Variants in SLC6A11 observed in about 807,000 individuals in gnomAD.
SLC6A11 encodes sodium- and chloride-dependent GABA transporter 3.
A neutral mutation model predicts 74.8 loss-of-function variants in SLC6A11; 25 were observed. The ratio of observed to expected loss-of-function variants is 0.33; its 90% CI spans 0.24 to 0.47. SLC6A11 has a LOEUF of 0.47. SLC6A11 is among the 20% of genes least tolerant of loss of function. The pLI is 1.00. For synonymous variants in SLC6A11, 330 were observed against 330.2 expected (o/e 1.00, Z 0.01); for missense variants, 574 against 837.0 (o/e 0.69, Z 3.88).
Position 10,929,317 on chromosome 3 carries a change from T to G in SLC6A11, c.1349T>G (p.Leu450Arg). ...GCCTTGTCTGTTATCTCCTATTTTC[T>G]GGGCCTCGTGATGTTAACAGAGGTG... ...ILALSVISYFLGLVMLTEGGM... is the reference protein window; with the variant it reads ...ILALSVISYFRGLVMLTEGGM... The change falls in exon 10 of 14, where the codon CTG (leucine) becomes CGG (arginine). Residue 450 changes from leucine to arginine, a missense_variant. Physicochemically the swap from Leu to Arg is moderately radical, Grantham distance 102. This residue lies in a region of SLC6A11 where 257 missense variants were observed against 341.5 expected (regional missense o/e 0.75). Coordinates refer to ENST00000254488, the MANE Select transcript of SLC6A11 (RefSeq NM_014229.3). 6.2e-7 allele frequency: 1 copy of G among 1,614,104 alleles called. No homozygotes were observed. Among genetic ancestry groups the G allele is most frequent in the Non-Finnish European group, 8.5e-7 (1 of 1,179,980 alleles).
chr3:10,937,495 A>C (rs1475016183), intron 13 of SLC6A11, among the ~76,000 whole-genome samples: 1 of 152,200 alleles, frequency 6.6e-6, no homozygotes, highest in Non-Finnish European at 1.5e-5. Context: ...AGACTTTGCA[A>C]CCTTCCTCGG....
At position 10,934,146 on chromosome 3, in the gene SLC6A11, A is replaced by G. The variant is rs1695727064; in HGVS notation, c.1555A>G (p.Met519Val). 6.2e-7 allele frequency: 1 copy of G among 1,613,170 alleles called. No homozygotes were observed. The highest frequency in any genetic ancestry group is 1.7e-5 in the Admixed American group (1 of 60,012). ...PSLIKWCWMI[M>V]TPGICAGIFI... The stretch of plus-strand genomic sequence containing the variant: ...GCTCATTAAGTGGTGCTGGATGATC[A>G]TGACCCCTGGGATCTGCGCGGTAAG... Residue 519 changes from methionine (M) to valine (V), a missense_variant, in exon 12 of 14, where the codon ATG becomes GTG. Coordinates refer to ENST00000254488, the MANE Select transcript of SLC6A11 (RefSeq NM_014229.3).
At chr3:10,929,390 A>G in intron 10 of SLC6A11, 51 bp downstream of exon 10, 2 of 1,595,638 alleles carry the variant, frequency 1.3e-6, no homozygotes, top group Non-Finnish European at 1.7e-6. Flanking sequence ...TGTGACGTCA[A>G]CTCCCAGCTC....
At chr3:10,888,046 A>G (rs1695065508) in intron 6 of SLC6A11, among the ~76,000 whole-genome samples, 1 of 152,258 alleles carries the variant, frequency 6.6e-6, no homozygotes, top group South Asian at 2.1e-4. Context: ...CTGTAATTTC[A>G]GAAGATTACT....
intron 5 of SLC6A11, among the ~76,000 whole-genome samples, chr3:10,864,488 T>C (rs1340445337): frequency 6.6e-6 from 1 of 151,764 alleles, no homozygotes; most frequent in Non-Finnish European, 1.5e-5. Context: ...ATCCGAAAGG[T>C]TGGAGATATT....
intron 1 of SLC6A11, among the ~76,000 whole-genome samples, chr3:10,817,447 C>A (rs527591031): frequency 1.3e-5 from 2 of 152,324 alleles, no homozygotes; most frequent in East Asian, 1.9e-4. Flanking sequence ...GCCTTCAGGA[C>A]CCCCTCCTGT....
Position 10,940,295 on chromosome 3 carries a change from C to G in SLC6A11, c.*1893C>G, listed in dbSNP as rs1015298138. 6.6e-6 allele frequency: 1 copy of G among 152,012 alleles called. No homozygotes were observed. Among genetic ancestry groups the G allele is most frequent in the African/African-American group, 2.4e-5 (1 of 41,352 alleles). 9.4% of individuals were successfully genotyped at this position (152,012 alleles called of 1,614,324 possible). A position where few individuals can be genotyped will look rare whatever the true frequency, so the allele number is the denominator to read the frequency against. On this transcript the variant is annotated 3_prime_UTR_variant, in exon 14 of 14. Transcript: ENST00000254488. ...GTGTTTATCCTCGGCTGCTGTCTTC[C>G]CAGCAGGCCCCAGGCAAGGAGGCTT... is the stretch of plus-strand genomic sequence containing the variant.
rs564695910 is a variant in SLC6A11 at position 10,852,034 on chromosome 3, A to G, written c.756+7688A>G. ...TTAATGGCTCAATGAGGCATAAAGC[A>G]GGAGTAGAGGGGGACTGGGGAAATA... On this transcript the variant is annotated intron_variant, in intron 5 of 13. Transcript: ENST00000254488. 6.4e-4 allele frequency among the ~76,000 whole-genome samples: 98 copies of G among 152,372 alleles called. No homozygotes were observed. The South Asian group carries it at 0.01, about 16-fold the overall frequency.
At chr3:10,869,654 A>C (rs1477298376) in intron 5 of SLC6A11, among the ~76,000 whole-genome samples, 1 of 152,276 alleles carries the variant, frequency 6.6e-6, no homozygotes, top group East Asian at 1.9e-4. Flanking sequence ...CGGCAAGCCC[A>C]GGCAGAGCCA....
chr3:10,890,503 A>G (rs1453702328), intron 6 of SLC6A11, among the ~76,000 whole-genome samples: 1 of 152,242 alleles, frequency 6.6e-6, no homozygotes, highest in East Asian at 1.9e-4. Context: ...TGCAGTGCAG[A>G]GATAGGCGGT....
chr3:10,885,914 C>A (rs1461472554), intron 6 of SLC6A11, among the ~76,000 whole-genome samples: 1 of 152,190 alleles, frequency 6.6e-6, no homozygotes, highest in African/African-American at 2.4e-5. Flanking sequence ...TCCACATGGA[C>A]TTCTGGGTCC....
chr3:10,849,794 CAAAAAAAAAAAAA>C (rs56099322), intron 5 of SLC6A11, among the ~76,000 whole-genome samples: 66 of 87,280 alleles, frequency 7.6e-4, no homozygotes, highest in Non-Finnish European at 1.2e-3. Flanking sequence ...TTGTTGAAGC[CAAAAAAAAAAAAA>C]AAAAAAAAAA....
intron 6 of SLC6A11, among the ~76,000 whole-genome samples, chr3:10,876,453 T>C (rs1694907897): frequency 1.3e-5 from 2 of 152,186 alleles, no homozygotes; most frequent in African/African-American, 4.8e-5. Context: ...TCTGCCTTGA[T>C]CCAAGACAGA....
intron 5 of SLC6A11, among the ~76,000 whole-genome samples, chr3:10,866,455 C>A (rs1694763780): frequency 6.6e-6 from 1 of 152,216 alleles, no homozygotes; most frequent in Non-Finnish European, 1.5e-5. Context: ...ACCTGCTGGG[C>A]TGTTCCCAGC....
chr3:10,939,555 A>G lies in SLC6A11; in HGVS notation c.*1153A>G, dbSNP rs1437015138. The G allele has an allele frequency of 6.6e-6, 1 of 152,092 alleles. No homozygotes were observed. Among genetic ancestry groups the G allele is most frequent in the Admixed American group, 6.6e-5 (1 of 15,254 alleles). 9.4% of individuals were successfully genotyped at this position (152,092 alleles called of 1,614,324 possible). ...CTAAGGCCCTTCTCTGTCCCAGGCC[A>G]CCTCTTCTCCCTCCTCCTGTCCCCT... On this transcript the variant is annotated 3_prime_UTR_variant, in exon 14 of 14. Transcript: ENST00000254488.
intron 8 of SLC6A11, among the ~76,000 whole-genome samples, chr3:10,924,556 AAG>A (rs1239716832): frequency 6.6e-6 from 1 of 152,168 alleles, no homozygotes; most frequent in African/African-American, 2.4e-5. Flanking sequence ...ATGGAAAGGC[AAG>A]CCACAGACTG....
chr3:10,933,564 C>T (rs1177416168), intron 11 of SLC6A11, among the ~76,000 whole-genome samples: 3 of 152,306 alleles, frequency 2.0e-5, no homozygotes, highest in East Asian at 3.9e-4. Flanking sequence ...GAAGTGTAAT[C>T]AAGCAGCAGC....
chr3:10,887,177 A>G lies in SLC6A11; in HGVS notation c.891+12082A>G, dbSNP rs112734391. Among the ~76,000 whole-genome samples, 874 of 152,010 alleles carry G rather than the reference A, an allele frequency of 5.7e-3. 9 individuals carry two copies. Among genetic ancestry groups the G allele is most frequent in the African/African-American group, 0.017 (693 of 41,422 alleles). On this transcript the variant is annotated intron_variant, in intron 6 of 13. Coordinates refer to ENST00000254488, the MANE Select transcript of SLC6A11 (RefSeq NM_014229.3). ...ATGCATGAATGGGTAGATGGATGAT[A>G]GGTGGACAGATGGATAGATGAATGA...
intron 9 of SLC6A11, among the ~76,000 whole-genome samples, chr3:10,928,339 G>T (rs1695636778): frequency 6.6e-6 from 1 of 152,086 alleles, no homozygotes; most frequent in African/African-American, 2.4e-5. Flanking sequence ...GCAGGAAAGG[G>T]CCCCCAGGGT....
Sources: gnomAD v4.1 joint callset for allele counts (sites outside exome capture counted in the v4.1 genomes callset) on GRCh38, gnomAD v4.1.1 for gene constraint, gnomAD v4.1.1 regional missense constraint, MANE v1.5 for transcripts, NCBI Gene and HGNC (gene_info 2026-07-23, HGNC 2026-07-21) for gene names.